The following GPAT3 variants were observed in gnomAD, a reference collection of about 807,000 sequenced individuals.
GPAT3 encodes 1-AGP acyltransferase 9.
Under a neutral mutation model 58.8 loss-of-function variants are expected in GPAT3, and 53 were observed. The ratio of observed to expected loss-of-function variants is 0.90; its 90% CI spans 0.72 to 1.13. GPAT3 has a LOEUF of 1.13. Among genes scored for constraint, GPAT3 ranks in the 50% most tolerant of loss-of-function variants. The pLI is 0.00. For missense variants in GPAT3, 511 were observed against 527.6 expected, an observed-to-expected ratio of 0.97 and a Z score of 0.31; for synonymous variants, 197 against 187.4, an observed-to-expected ratio of 1.05 and a Z score of -0.42.
intron 2 of GPAT3, among the ~76,000 whole-genome samples, chr4:83,566,161 A>G (rs1020291945): frequency 3.3e-5 from 5 of 152,118 alleles, no homozygotes; most frequent in Non-Finnish European, 7.4e-5. Flanking sequence ...TGTCTCACAC[A>G]TGGGAGACCA....
chr4:83,598,929 A>C (rs1034398143), intron 11 of GPAT3, among the ~76,000 whole-genome samples: 1 of 151,702 alleles, frequency 6.6e-6, no homozygotes, highest in East Asian at 1.9e-4. Flanking sequence ...AGCTGGGACT[A>C]CAAGTGCTTG....
At chr4:83,598,561 A>G in intron 10 of GPAT3, 83 bp from the exon 11 acceptor site, 1 of 1,152,810 alleles carries the variant, frequency 8.7e-7, no homozygotes, top group Non-Finnish European at 1.3e-6. Flanking sequence ...CTTATATTTT[A>G]AAACAAATAC....
intron 11 of GPAT3, among the ~76,000 whole-genome samples, chr4:83,600,832 T>C (rs2110111771): frequency 6.6e-6 from 1 of 152,260 alleles, no homozygotes; most frequent in South Asian, 2.1e-4. Flanking sequence ...ACATACAGGA[T>C]GTTAAATTAG....
Position 83,568,538 on chromosome 4 carries a change from C to G in GPAT3, c.209-13024C>G, listed in dbSNP as rs181286983. ...TTTTTTTTTTTTTGAGACGGAGTCT[C>G]GCTCTGTTGCCCAGGCTGGAGTGCT... is the stretch of plus-strand genomic sequence containing the variant. On this transcript the variant is annotated intron_variant, in intron 2 of 11. Coordinates refer to ENST00000264409, the MANE Select transcript of GPAT3 (RefSeq NM_032717.5). Among the ~76,000 whole-genome samples the G allele has an allele frequency of 1.0e-3, 155 of 149,574 alleles. 1 individual carries two copies. The highest frequency in any genetic ancestry group is 3.6e-3 in the African/African-American group (145 of 40,614).
In GPAT3 at chr4:83,604,803, C is replaced by CATTCCATTTCTAAGGGCTAGTT; in HGVS notation, c.*36_*37insATTCCATTTCTAAGGGCTAGTT. On this transcript the variant is annotated 3_prime_UTR_variant, in exon 12 of 12. Coordinates refer to ENST00000264409, the MANE Select transcript of GPAT3 (RefSeq NM_032717.5). ...GACAGCCTTTAGATCTAGAACTAGC[C>CATTCCATTTCTAAGGGCTAGTT]CTTAGAAATGGAATGGCTTTTTTTG... The CATTCCATTTCTAAGGGCTAGTT allele has an allele frequency of 6.6e-7, 1 of 1,512,432 alleles. No homozygotes were observed. Among genetic ancestry groups the CATTCCATTTCTAAGGGCTAGTT allele is most frequent in the Non-Finnish European group, 9.0e-7 (1 of 1,105,332 alleles). 93.7% of individuals were successfully genotyped at this position (1,512,432 alleles called of 1,614,324 possible). A position where few individuals can be genotyped will look rare whatever the true frequency, so the allele number is the denominator to read the frequency against.
intron 11 of GPAT3, among the ~76,000 whole-genome samples, chr4:83,603,131 C>T (rs1727121172): frequency 1.3e-5 from 2 of 152,186 alleles, no homozygotes; most frequent in Non-Finnish European, 2.9e-5. Context: ...GCATGCTTAA[C>T]TGGGTTAAAA....
Position 83,537,706 on chromosome 4 carries a change from G to C in GPAT3, c.141+943G>C, listed in dbSNP as rs188120881. Among the ~76,000 whole-genome samples the C allele has an allele frequency of 1.6e-3, 241 of 151,268 alleles. 1 individual carries two copies. Among genetic ancestry groups the C allele is most frequent in the Middle Eastern group, 6.8e-3 (2 of 292 alleles). ...CCTGGCCTCAAGCAATCTTCCTGCC[G>C]TCACCTCCCAAAGTGCTGGGATTAA... On this transcript the variant is annotated intron_variant, in intron 1 of 11. Transcript: ENST00000264409.
intron 2 of GPAT3, among the ~76,000 whole-genome samples, chr4:83,560,023 C>G (rs1725076185): frequency 1.3e-5 from 2 of 152,194 alleles, no homozygotes; most frequent in South Asian, 4.1e-4. Flanking sequence ...GAGCTTTGGT[C>G]TTTGTGAAGC....
chr4:83,590,325 G>C, intron 6 of GPAT3, 33 bp downstream of exon 6: 2 of 1,595,526 alleles, frequency 1.3e-6, no homozygotes, highest in Non-Finnish European at 1.7e-6. Context: ...TCAAGTAGTT[G>C]CATGTTTTAT....
At chr4:83,597,042 C>A in intron 8 of GPAT3, 129 bp downstream of exon 8, 1 of 745,336 alleles carries the variant, frequency 1.3e-6, no homozygotes, top group Non-Finnish European at 2.2e-6. Context: ...TGGGATGGCA[C>A]TCTCTGAGTT....
In GPAT3 at chr4:83,578,981, TTTCTTTCC is replaced by T. The variant is rs1560620724; in HGVS notation, c.209-2577_209-2570del. 9.8e-4 allele frequency among the ~76,000 whole-genome samples: 131 copies of T among 134,120 alleles called. 6 individuals are homozygous for T. The highest frequency in any genetic ancestry group is 3.2e-3 in the African/African-American group (106 of 33,372). 88.0% of individuals were successfully genotyped at this position (134,120 alleles called of 152,430 possible). A position where few individuals can be genotyped will look rare whatever the true frequency, so the allele number is the denominator to read the frequency against. On this transcript the variant is annotated intron_variant, in intron 2 of 11. Coordinates refer to ENST00000264409, the MANE Select transcript of GPAT3 (RefSeq NM_032717.5). ...CTTTCTTTCTTTCTTTCTTTCTTTC[TTTCTTTCC>T]TTCCTTCCTTCCTTCCTTCCTTCTT...
At chr4:83,562,197 AT>A (rs1560610929) in intron 2 of GPAT3, among the ~76,000 whole-genome samples, 52 of 42,108 alleles carry the variant, frequency 1.2e-3, no homozygotes, top group Non-Finnish European at 1.6e-3. Context: ...ATATATATAT[AT>A]AATATATATA....
intron 2 of GPAT3, among the ~76,000 whole-genome samples, chr4:83,559,244 TC>T (rs1725044089): frequency 6.6e-6 from 1 of 152,270 alleles, no homozygotes; most frequent in South Asian, 2.1e-4. Context: ...TATTTTTAAA[TC>T]CTTCTTTAGG....
At chr4:83,603,412 A>G (rs1164267150) in intron 11 of GPAT3, among the ~76,000 whole-genome samples, 1 of 152,226 alleles carries the variant, frequency 6.6e-6, no homozygotes, top group Non-Finnish European at 1.5e-5. Context: ...GTTGAATGCA[A>G]CTTATGATTT....
At chr4:83,575,605 G>C (rs1725783477) in intron 2 of GPAT3, among the ~76,000 whole-genome samples, 1 of 151,812 alleles carries the variant, frequency 6.6e-6, no homozygotes, top group Admixed American at 6.6e-5. Context: ...TAGTAGAGAC[G>C]GGGTTTCACT....
intron 10 of GPAT3, 69 bp from the exon 11 acceptor site, chr4:83,598,575 T>A: frequency 8.2e-7 from 1 of 1,226,616 alleles, no homozygotes; most frequent in Non-Finnish European, 1.2e-6. Flanking sequence ...CAAATACAAA[T>A]GATTATGAGA....
intron 2 of GPAT3, among the ~76,000 whole-genome samples, chr4:83,562,218 TATATATA>T (rs1185239651): frequency 8.4e-4 from 66 of 78,298 alleles, no homozygotes; most frequent in African/African-American, 4.0e-3. Flanking sequence ...ATATTATATA[TATATATA>T]ATATATATAT....
At chr4:83,587,453 G>C in intron 4 of GPAT3, 124 bp downstream of exon 4, 1 of 888,436 alleles carries the variant, frequency 1.1e-6, no homozygotes, top group Non-Finnish European at 1.7e-6. Flanking sequence ...TTGAGACGGA[G>C]TCTCGTACTG....
intron 6 of GPAT3, 62 bp from the exon 7 acceptor site, chr4:83,594,783 A>T: frequency 7.1e-7 from 1 of 1,417,450 alleles, no homozygotes; most frequent in Non-Finnish European, 9.9e-7. Context: ...GTTGGTACTT[A>T]AAAAACTTTC....
Sources: allele counts gnomAD v4.1 joint callset (sites outside exome capture counted in the v4.1 genomes callset), GRCh38; gene constraint gnomAD v4.1.1; transcripts MANE v1.5; gene names NCBI Gene and HGNC (gene_info 2026-07-23, HGNC 2026-07-21).